Variants in NLRC3 observed in about 807,000 individuals in gnomAD.
NLRC3 encodes NLR family CARD domain containing 3.
Under a neutral mutation model 91.6 loss-of-function variants are expected in NLRC3, and 87 were observed. The ratio of observed to expected loss-of-function variants is 0.95; its 90% confidence interval spans 0.80 to 1.14. NLRC3 has a LOEUF of 1.14. NLRC3 is among the 50% of genes most tolerant of loss of function. NLRC3 has a pLI of 0.00. For synonymous variants in NLRC3, 694 were observed against 625.3 expected, an observed-to-expected ratio of 1.11 and a Z score of -1.64; for missense variants, 1,577 against 1,418.6, an observed-to-expected ratio of 1.11 and a Z score of -1.79.
rs773365560 is a variant in NLRC3, at chr16:3,541,920, A to ACT, written c.3108-6_3108-5insAG. ...CCAATGTGGTTTCCCTGGAGACTAG[A>ACT]AGAGTAGGGTTAAGGCAGGGCTCAA... On this transcript the variant is annotated splice_polypyrimidine_tract_variant and splice_region_variant and intron_variant, in intron 19 of 19. Transcript: ENST00000359128. 2 of 1,577,206 alleles carry ACT rather than the reference A, an allele frequency of 1.3e-6. No homozygotes were observed. The highest frequency in any genetic ancestry group is 1.7e-6 in the Non-Finnish European group (2 of 1,148,852).
In NLRC3 at chr16:3,564,608, T is replaced by C. The variant is rs1268232955; in HGVS notation, c.329A>G (p.Glu110Gly). 1 of 1,610,576 alleles carries C rather than the reference T, an allele frequency of 6.2e-7. No individual in the cohort carries two copies. ...GGGGTGCCCGCCCCCGCGGGTGGCC[T>C]CCACCTGTGTGAAGTCGTGTTCCCT... ...QLREHDFTQVEATRGGGHPAR... is the reference protein window; with the variant it reads ...QLREHDFTQVGATRGGGHPAR... The change falls in exon 5 of 20, where the codon GAG becomes GGG. Residue 110 changes from glutamate to glycine, a missense_variant. By Grantham distance (98) the Glu-to-Gly change is moderately conservative. Coordinates refer to ENST00000359128, the MANE Select transcript of NLRC3 (RefSeq NM_178844.4). This position sits in a 1 kb window ranked among gnomAD's most constrained non-coding sequence, Gnocchi z 5.9.
chr16:3,549,896 C>G, intron 11 of NLRC3, 116 bp from the exon 12 acceptor site: 1 of 645,108 alleles, frequency 1.6e-6, no homozygotes, highest in Non-Finnish European at 2.7e-6. Flanking sequence ...GCTCCAGGGA[C>G]AGTGGTGGCC....
chr16:3,563,263 G>T lies in NLRC3; in HGVS notation c.1674C>A (p.Ala558=). The T allele has an allele frequency of 6.2e-7, 1 of 1,606,010 alleles. No homozygotes were observed. The highest frequency in any genetic ancestry group is 8.5e-7 in the Non-Finnish European group (1 of 1,177,856). Residue 558 remains alanine (A), a synonymous_variant, in exon 5 of 20, where the codon GCC becomes GCA. Transcript: ENST00000359128. ...CGTTGATGGCCCGTGCACAGACTGC[G>T]GCATCGGGGCGCAGGCAGCCCTGCA... The part of the protein sequence containing the change: ...ELLQGCLRPD[A]AVCARAINVL...
intron 5 of NLRC3, among the ~76,000 whole-genome samples, chr16:3,562,696 G>A (rs1183111168): frequency 6.8e-6 from 1 of 148,050 alleles, no homozygotes; most frequent in African/African-American, 2.6e-5. Flanking sequence ...AAGATGACCA[G>A]GCGACGGGAG....
In NLRC3 at chr16:3,563,258, A is replaced by T. The variant is rs2039693174; in HGVS notation, c.1679T>A (p.Val560Asp). Residue 560 changes from valine (V) to aspartate (D), a missense_variant, in exon 5 of 20, where the codon GTC becomes GAC. Coordinates refer to ENST00000359128, the MANE Select transcript of NLRC3 (RefSeq NM_178844.4). ...CAACACGTTGATGGCCCGTGCACAG[A>T]CTGCGGCATCGGGGCGCAGGCAGCC... Reference protein sequence around the residue: ...LQGCLRPDAAVCARAINVLHC... With the variant: ...LQGCLRPDAADCARAINVLHC... 6.2e-7 allele frequency: 1 copy of T among 1,606,610 alleles called. No homozygotes were observed. The highest frequency in any genetic ancestry group is 1.7e-5 in the Admixed American group (1 of 59,656).
intron 1 of NLRC3, 140 bp from the exon 2 acceptor site, chr16:3,567,464 C>T (rs979209128): frequency 2.6e-5 from 4 of 152,260 alleles, no homozygotes; most frequent in East Asian, 1.9e-4. Flanking sequence ...GGGCATTTCC[C>T]TGGTTCTCAA....
At chr16:3,570,072 A>G (rs1596493378) in intron 1 of NLRC3, among the ~76,000 whole-genome samples, 1 of 152,322 alleles carries the variant, frequency 6.6e-6, no homozygotes, top group East Asian at 1.9e-4. Flanking sequence ...GTCCAAGGAT[A>G]CACAGCTGGG....
In NLRC3 at chr16:3,564,349, C is replaced by T. The variant is rs1477480586; in HGVS notation, c.588G>A (p.Ser196=). 6 of 1,611,966 alleles carry T rather than the reference C, an allele frequency of 3.7e-6. No individual in the cohort carries two copies. The highest frequency in any genetic ancestry group is 1.1e-5 in the South Asian group (1 of 91,012). ...TGGGCTCCCCGACGTGCGGGAAGAC[C>T]GAGCAGATGAGTCGGTCGGCACACA... The part of the protein sequence containing the change: ...EKLCADRLIC[S]VFPHVGEPSL... The change falls in exon 5 of 20, where the codon TCG becomes TCA. Residue 196 remains serine (S), a synonymous_variant. Coordinates refer to ENST00000359128, the MANE Select transcript of NLRC3 (RefSeq NM_178844.4). The surrounding 1 kb of genome is among the most constrained non-coding windows in gnomAD (Gnocchi z 5.9).
rs1567128105 is a variant in NLRC3, at chr16:3,549,228, G to A, written c.2520-3C>T. On this transcript the variant is annotated splice_polypyrimidine_tract_variant and splice_region_variant and intron_variant, in intron 12 of 19. Transcript: ENST00000359128. ...GACTGATGGAGTTTTCTCGAAGGCT[G>A]AAAAAAAAGGAAAGACCTGAGCTTC... 1.9e-6 allele frequency: 3 copies of A among 1,566,118 alleles called. No homozygotes were observed. The highest frequency in any genetic ancestry group is 2.3e-5 in the South Asian group (2 of 85,250).
In NLRC3 at chr16:3,557,928, A is replaced by G. The variant is rs114811324; in HGVS notation, c.2016-252T>C. 9.2e-3 allele frequency among the ~76,000 whole-genome samples: 1,403 copies of G among 152,306 alleles called. 29 individuals carry two copies. The highest frequency in any genetic ancestry group is 0.032 in the African/African-American group (1,338 of 41,560). Reference sequence around the variant, plus strand: ...GGTCTCAGGAAAAAGTTTAACCAGAATCCAGCACAACAGCTTCTACACAAA... The same window carrying G: ...GGTCTCAGGAAAAAGTTTAACCAGAGTCCAGCACAACAGCTTCTACACAAA... On this transcript the variant is annotated intron_variant, in intron 6 of 19. Coordinates refer to ENST00000359128, the MANE Select transcript of NLRC3 (RefSeq NM_178844.4).
In NLRC3 at chr16:3,564,136, G is replaced by A. The variant is rs1363621218; in HGVS notation, c.801C>T (p.Ser267=). 4.3e-6 allele frequency: 7 copies of A among 1,613,706 alleles called. No individual in the cohort carries two copies. The South Asian group carries it at 6.6e-5, about 15-fold the overall frequency. Residue 267 remains serine, a synonymous_variant, in exon 5 of 20, where the codon TCC becomes TCT. Coordinates refer to ENST00000359128, the MANE Select transcript of NLRC3 (RefSeq NM_178844.4). The surrounding 1 kb of genome is among the most constrained non-coding windows in gnomAD (Gnocchi z 5.9). The stretch of plus-strand genomic sequence containing the variant: ...GGATCTGGCCAGATGCACTGGGACG[G>A]GAGGTGATCCAGATGGAAACTTCCG... The part of the protein sequence containing the change: ...LFPEVSIWIT[S]RPSASGQIPG...
At chr16:3,551,231 TCCAC>T (rs1203011419) in intron 10 of NLRC3, among the ~76,000 whole-genome samples, 8 of 150,256 alleles carry the variant, frequency 5.3e-5, no homozygotes, top group Non-Finnish European at 8.9e-5. Context: ...CATCCATCCA[TCCAC>T]CCACCCACCC....
At chr16:3,544,573 T>G (rs775384506) in intron 15 of NLRC3, 2 of 481,270 alleles carry the variant, frequency 4.2e-6, no homozygotes, top group African/African-American at 2.0e-5. Flanking sequence ...ATGGGACATA[T>G]AGAGTGACTG....
chr16:3,548,530 A>G (rs1286818686), intron 14 of NLRC3, 140 bp downstream of exon 14: 3 of 660,572 alleles, frequency 4.5e-6, no homozygotes, highest in Non-Finnish European at 8.0e-6. Context: ...GTCTGCTGGC[A>G]GCAGGCTAGC....
chr16:3,558,690 ATAG>A (rs1263331050), intron 6 of NLRC3, among the ~76,000 whole-genome samples: 1 of 152,196 alleles, frequency 6.6e-6, no homozygotes, highest in Non-Finnish European at 1.5e-5. Context: ...AGCTGCAGAA[ATAG>A]TAGCTGTCCA....
chr16:3,541,998 C>T (rs2151078710), intron 19 of NLRC3, 83 bp from the exon 20 acceptor site: 1 of 879,416 alleles, frequency 1.1e-6, no homozygotes, highest in South Asian at 1.4e-5. Flanking sequence ...AATGCAGGAC[C>T]CCATGCAAAG....
chr16:3,572,941 G>C (rs1024239539), intron 1 of NLRC3, among the ~76,000 whole-genome samples: 13 of 151,246 alleles, frequency 8.6e-5, no homozygotes, highest in African/African-American at 3.2e-4. Flanking sequence ...GAACCCAGGA[G>C]GTGGAGGTTG....
At chr16:3,577,060 G>T in intron 1 of NLRC3, 89 bp downstream of exon 1, 1 of 701,956 alleles carries the variant, frequency 1.4e-6, no homozygotes, top group Non-Finnish European at 2.6e-6. Flanking sequence ...CCTCCCCAGA[G>T]TAGCTCAGGC....
chr16:3,554,707 G>A (rs1002722891), intron 8 of NLRC3, among the ~76,000 whole-genome samples: 1 of 152,170 alleles, frequency 6.6e-6, no homozygotes, highest in African/African-American at 2.4e-5. Flanking sequence ...ATATGGTCTG[G>A]CAGGTCCTTA....
Sources: gnomAD v4.1 joint callset for allele counts (sites outside exome capture counted in the v4.1 genomes callset) on GRCh38, gnomAD v4.1.1 for gene constraint, Gnocchi (gnomAD v3.1) non-coding constraint, MANE v1.5 for transcripts, NCBI Gene and HGNC (gene_info 2026-07-23, HGNC 2026-07-21) for gene names.